The following TTC21A variants were observed in gnomAD, a reference collection of about 807,000 sequenced individuals.
TTC21A encodes tetratricopeptide repeat protein 21A.
A neutral mutation model predicts 156.4 loss-of-function variants in TTC21A; 128 were observed. The observed-to-expected ratio is 0.82, with a 90% confidence interval of 0.71 to 0.95. The LOEUF (loss-of-function observed/expected upper bound fraction) is 0.95, where lower values mean the gene tolerates loss of function less well. Ranked by LOEUF, TTC21A falls within the 40% of genes least tolerant of loss-of-function variation. The pLI is 0.00. For synonymous variants in TTC21A, 587 were observed against 617.1 expected, an observed-to-expected ratio of 0.95 and a Z score of 0.72; for missense variants, 1,435 against 1,602.3, an observed-to-expected ratio of 0.90 and a Z score of 1.78.
At position 39,121,027 on chromosome 3, in the gene TTC21A, G is replaced by C; in HGVS notation, c.931G>C (p.Val311Leu). The change falls in exon 9 of 29, where the codon GTG (valine) becomes CTG (leucine). Residue 311 changes from valine (V) to leucine (L), a missense_variant. Transcript: ENST00000683103. ...CGSHQVILGL[V>L]CSFIERTFMA... ...GAGTCACCAGGTGATTCTAGGGCTA[G>C]TGTGTAGTTTCATCGAGCGCACCTT... The C allele has an allele frequency of 6.2e-7, 1 of 1,612,464 alleles. No homozygotes were observed. Among genetic ancestry groups the C allele is most frequent in the Non-Finnish European group, 8.5e-7 (1 of 1,179,012 alleles).
chr3:39,127,137 G>T (rs994856026), intron 12 of TTC21A, among the ~76,000 whole-genome samples: 4 of 152,248 alleles, frequency 2.6e-5, no homozygotes, highest in Non-Finnish European at 4.4e-5. Flanking sequence ...GAAGGAGAGG[G>T]AAACTCTTCC....
rs747653895 is a variant in TTC21A, at chr3:39,110,026, C to T, written c.158-3C>T. The stretch of plus-strand genomic sequence containing the variant: ...AGTATAACTATGTGGACTGTCTTTG[C>T]AGAGCACATCCAGGATGCCATCAGT... On this transcript the variant is annotated splice_polypyrimidine_tract_variant and splice_region_variant and intron_variant, in intron 2 of 28. Coordinates refer to ENST00000683103, the MANE Select transcript of TTC21A (RefSeq NM_001366900.1). The T allele has an allele frequency of 1.9e-6, 3 of 1,610,786 alleles. No individual in the cohort carries two copies. Among genetic ancestry groups the T allele is most frequent in the Admixed American group, 1.7e-5 (1 of 59,986 alleles).
rs1419401369 is a variant in TTC21A, at chr3:39,138,583, A to G, written c.3824A>G (p.Lys1275Arg). ...IGFKLAFNYLKDKKFVEAIEI... is the reference protein window; with the variant it reads ...IGFKLAFNYLRDKKFVEAIEI... ...TTCAAACTTGCTTTCAACTACCTGA[A>G]GGACAAGAAATTTGTGGAGGCCATT... Residue 1275 changes from lysine (K) to arginine (R), a missense_variant, in exon 28 of 29, where the codon AAG becomes AGG. Lys to Arg is a conservative substitution (Grantham distance 26, BLOSUM62 2). Coordinates refer to ENST00000683103, the MANE Select transcript of TTC21A (RefSeq NM_001366900.1). 6.2e-7 allele frequency: 1 copy of G among 1,614,216 alleles called. No individual in the cohort carries two copies. Among genetic ancestry groups the G allele is most frequent in the South Asian group, 1.1e-5 (1 of 91,078 alleles).
intron 3 of TTC21A, 133 bp from the exon 4 acceptor site, chr3:39,110,718 G>T: frequency 1.1e-6 from 1 of 897,332 alleles, no homozygotes; most frequent in Non-Finnish European, 1.7e-6. Context: ...GCGGTGTGCT[G>T]CATATGTTGA....
At chr3:39,132,703 AGTCTACTGTGTGCCTTGGACACCTACT>A (rs1398060326) in intron 19 of TTC21A, 12 of 345,150 alleles carry the variant, frequency 3.5e-5, no homozygotes, top group African/African-American at 2.6e-4. Context: ...AGAACAGAAC[AGTCTACTGTGTGCCTTGGACACCTACT>A]GTGTGCTAGT....
Position 39,134,226 on chromosome 3 carries a change from G to C in TTC21A, c.2760G>C (p.Leu920=), listed in dbSNP as rs549958366. ...ATCCGGCCTTGTCCCAGGTGATGCT[G>C]GAGCTGGCGCAGCTCTACCTGCTCC... ...SYLPTDNKVM[L]ELAQLYLLQG... Residue 920 remains leucine, a synonymous_variant, in exon 21 of 29, where the codon CTG becomes CTC. Transcript: ENST00000683103. The surrounding 1 kb of genome is among the most constrained non-coding windows in gnomAD (Gnocchi z 4.6). 7.1e-5 allele frequency: 115 copies of C among 1,612,288 alleles called. 1 individual carries two copies. The South Asian group carries it at 1.2e-3, about 17-fold the overall frequency.
At chr3:39,119,677 A>G (rs1373788273) in intron 7 of TTC21A, 2 of 380,490 alleles carry the variant, frequency 5.3e-6, no homozygotes, top group Non-Finnish European at 9.4e-6. Flanking sequence ...AAATTCAAGA[A>G]CAGAGGGGCA....
At chr3:39,136,822 A>C in intron 23 of TTC21A, 77 bp from the exon 24 acceptor site, 3 of 1,547,564 alleles carry the variant, frequency 1.9e-6, no homozygotes, top group Non-Finnish European at 2.6e-6. Flanking sequence ...GCAGACTCAC[A>C]AAGTGGTCCT....
At chr3:39,116,232 A>G (rs910718821) in intron 6 of TTC21A, among the ~76,000 whole-genome samples, 5 of 152,392 alleles carry the variant, frequency 3.3e-5, no homozygotes, top group Non-Finnish European at 2.9e-5. Context: ...AGTGGGATTC[A>G]TAGAATTCCC....
Position 39,107,925 on chromosome 3 carries a change from C to T in TTC21A, c.27+61C>T. ...TGACTCCCCGCCCCTGACCCAGAGA[C>T]CGTCTGCCCTGCTACTCTCCTGCCA... On this transcript the variant is annotated intron_variant, in intron 1 of 28. Transcript: ENST00000683103. 1.8e-5 allele frequency: 28 copies of T among 1,593,994 alleles called. No individual in the cohort carries two copies. In the South Asian group the frequency reaches 2.9e-4, roughly 16 times the overall value.
chr3:39,111,779 G>A (rs2036853222), intron 4 of TTC21A, among the ~76,000 whole-genome samples: 1 of 152,208 alleles, frequency 6.6e-6, no homozygotes, highest in Non-Finnish European at 1.5e-5. Flanking sequence ...AGTATCTAAA[G>A]AGACTCCTTA....
intron 6 of TTC21A, among the ~76,000 whole-genome samples, chr3:39,115,658 C>A (rs570705000): frequency 6.6e-6 from 1 of 152,012 alleles, no homozygotes; most frequent in Non-Finnish European, 1.5e-5. Flanking sequence ...CAGAATGAGA[C>A]CCTGTCTCGA....
In TTC21A at chr3:39,130,676, G is replaced by A. The variant is rs79860510; in HGVS notation, c.2320-25G>A. The A allele has an allele frequency of 0.021, 34,110 of 1,613,446 alleles. 959 individuals carry two copies. Among genetic ancestry groups the A allele is most frequent in the East Asian group, 0.14 (6,316 of 44,862 alleles). On this transcript the variant is annotated intron_variant, in intron 17 of 28. Transcript: ENST00000683103. This position sits in a 1 kb window ranked among gnomAD's most constrained non-coding sequence, Gnocchi z 4.5. Reference sequence around the variant, plus strand: ...ACTGAAGGGCAGAACCAGGCCAGAGGCTAATATTTACTGTTTGCACTAAGG... The same window carrying A: ...ACTGAAGGGCAGAACCAGGCCAGAGACTAATATTTACTGTTTGCACTAAGG...
chr3:39,114,814 G>C, intron 6 of TTC21A, 72 bp downstream of exon 6: 2 of 1,569,442 alleles, frequency 1.3e-6, no homozygotes, highest in Non-Finnish European at 1.7e-6. Context: ...GGGGAGGCAG[G>C]AGAACAAGAC....
At chr3:39,112,115 C>G (rs2036884546) in intron 4 of TTC21A, among the ~76,000 whole-genome samples, 1 of 152,178 alleles carries the variant, frequency 6.6e-6, no homozygotes, top group Admixed American at 6.5e-5. Flanking sequence ...CAGGCAATGA[C>G]AGGATAGGTG....
In TTC21A at chr3:39,133,197, A is replaced by C. The variant is rs1407950312; in HGVS notation, c.2708A>C (p.Gln903Pro). ...LAEKEYDKAV[Q>P]SYKDVFSYLP... The stretch of plus-strand genomic sequence containing the variant: ...GAGAAAGAGTATGACAAGGCGGTAC[A>C]GTCTTATAAGGATGTCTTCTCCTAC... Residue 903 changes from glutamine (Q) to proline (P), a missense_variant, in exon 20 of 29, where the codon CAG (glutamine) becomes CCG (proline). Coordinates refer to ENST00000683103, the MANE Select transcript of TTC21A (RefSeq NM_001366900.1). 1 of 1,614,194 alleles carries C rather than the reference A, an allele frequency of 6.2e-7. No individual in the cohort carries two copies. The highest frequency in any genetic ancestry group is 1.7e-5 in the Admixed American group (1 of 60,006).
At chr3:39,123,053 G>A (rs1177574376) in intron 9 of TTC21A, among the ~76,000 whole-genome samples, 1 of 152,196 alleles carries the variant, frequency 6.6e-6, no homozygotes, top group Non-Finnish European at 1.5e-5. Context: ...GCCCTCTGAG[G>A]AGCAGAGTTA....
At chr3:39,124,679 T>G (rs2038070977) in intron 9 of TTC21A, among the ~76,000 whole-genome samples, 1 of 70,684 alleles carries the variant, frequency 1.4e-5, no homozygotes, top group South Asian at 5.9e-4. Flanking sequence ...AAAAAGCAGA[T>G]TGTAGAATGG....
intron 19 of TTC21A, 105 bp from the exon 20 acceptor site, chr3:39,132,947 G>GA (rs11381961): frequency 0.66 from 898,963 of 1,367,050 alleles, 302,528 homozygotes; most frequent in East Asian, 0.71. Context: ...GGGCACTTAT[G>GA]TGTCATTTTT....
Sources: allele counts gnomAD v4.1 joint callset (sites outside exome capture counted in the v4.1 genomes callset), GRCh38; gene constraint gnomAD v4.1.1; non-coding constraint Gnocchi (gnomAD v3.1); transcripts MANE v1.5; gene names NCBI Gene and HGNC (gene_info 2026-07-23, HGNC 2026-07-21).